NDRG3: variants seen among roughly 807,000 people sequenced by gnomAD.
NDRG3 encodes NDRG family member 3, also known as protein NDRG3.
Under a neutral mutation model 57.2 loss-of-function variants are expected in NDRG3, and 23 were observed. That is an observed-to-expected ratio of 0.40 (90% CI 0.29 to 0.57). NDRG3 has a LOEUF of 0.57. NDRG3 is among the 20% of genes least tolerant of loss of function. The pLI is 0.42. For synonymous variants in NDRG3, 132 were observed against 162.6 expected, an observed-to-expected ratio of 0.81 and a Z score of 1.43; for missense variants, 384 against 457.3, an observed-to-expected ratio of 0.84 and a Z score of 1.46.
At chr20:36,740,865 T>C (rs887726347) in intron 1 of NDRG3, among the ~76,000 whole-genome samples, 4 of 152,200 alleles carry the variant, frequency 2.6e-5, no homozygotes, top group Admixed American at 2.0e-4. Flanking sequence ...ACATTAGTTT[T>C]ATAGAATTAG....
At chr20:36,706,793 A>C (rs544185713) in intron 3 of NDRG3, among the ~76,000 whole-genome samples, 179 bp downstream of exon 3, 6 of 152,292 alleles carry the variant, frequency 3.9e-5, no homozygotes, top group Admixed American at 2.0e-4. Context: ...ATGAGCCCCC[A>C]TGCCAGTGGC....
intron 3 of NDRG3, among the ~76,000 whole-genome samples, chr20:36,704,912 G>C (rs1194515807): frequency 6.6e-6 from 1 of 152,116 alleles, no homozygotes; most frequent in Non-Finnish European, 1.5e-5. Flanking sequence ...GACATGTCCA[G>C]GTGGGAAAAA....
chr20:36,687,241 G>C (rs1380903411), intron 5 of NDRG3, among the ~76,000 whole-genome samples: 1 of 152,002 alleles, frequency 6.6e-6, no homozygotes, highest in Non-Finnish European at 1.5e-5. Flanking sequence ...TATGCCTTGA[G>C]ATTACAGGAA....
At chr20:36,735,960 G>A (rs1462272480) in intron 1 of NDRG3, among the ~76,000 whole-genome samples, 1 of 146,354 alleles carries the variant, frequency 6.8e-6, no homozygotes, top group Non-Finnish European at 1.5e-5. Flanking sequence ...GGCAGAGCGA[G>A]GCCCTGTCTC....
chr20:36,673,839 T>C (rs1461958906), intron 8 of NDRG3, among the ~76,000 whole-genome samples: 1 of 151,774 alleles, frequency 6.6e-6, no homozygotes, highest in Non-Finnish European at 1.5e-5. Context: ...GCGCAGTAGC[T>C]CACACCTGTA....
chr20:36,683,487 T>C (rs1981496466), intron 6 of NDRG3, among the ~76,000 whole-genome samples: 1 of 151,586 alleles, frequency 6.6e-6, no homozygotes, highest in African/African-American at 2.4e-5. Context: ...CATGGTGGCC[T>C]GTGCCTGTAA....
At chr20:36,678,382 C>G (rs1980943081) in intron 8 of NDRG3, among the ~76,000 whole-genome samples, 1 of 152,070 alleles carries the variant, frequency 6.6e-6, no homozygotes, top group Non-Finnish European at 1.5e-5. Context: ...TAGGGAGATG[C>G]AAATTAAAAC....
At chr20:36,656,290 G>A (rs1184365980) in intron 15 of NDRG3, 70 bp downstream of exon 15, 2 of 1,467,694 alleles carry the variant, frequency 1.4e-6, no homozygotes, top group East Asian at 2.3e-5. Flanking sequence ...AGAATTGTGG[G>A]CTCCCAGATG....
At chr20:36,700,904 G>A (rs1983181731) in intron 3 of NDRG3, among the ~76,000 whole-genome samples, 1 of 151,996 alleles carries the variant, frequency 6.6e-6, no homozygotes, top group East Asian at 1.9e-4. Flanking sequence ...CCCCCAAGTA[G>A]CTTGGAGCAC....
At position 36,697,541 on chromosome 20, in the gene NDRG3, T is replaced by C. The variant is rs577438469; in HGVS notation, c.94-8757A>G. ...GGCCAGTATGGCGAAACCCCATCTCTACTAAAAAATACAAAAATTAGCCAG... is the reference window on the plus strand; with the variant it reads ...GGCCAGTATGGCGAAACCCCATCTCCACTAAAAAATACAAAAATTAGCCAG... On this transcript the variant is annotated intron_variant, in intron 3 of 15. Transcript: ENST00000349004. Among the ~76,000 whole-genome samples, 104 of 152,234 alleles carry C rather than the reference T, an allele frequency of 6.8e-4. No individual in the cohort carries two copies. In the South Asian group the frequency reaches 8.7e-3, roughly 13 times the overall value.
rs1378125365 is a variant in NDRG3, at chr20:36,652,549, C to T, written c.*971G>A. Reference sequence around the variant, plus strand: ...TTCCTCTCCCCCCACCCATTTCTCCCCCATCTACATGCTTTTTAGGCCAAA... The same window carrying T: ...TTCCTCTCCCCCCACCCATTTCTCCTCCATCTACATGCTTTTTAGGCCAAA... On this transcript the variant is annotated 3_prime_UTR_variant, in exon 16 of 16. Transcript: ENST00000349004. The T allele has an allele frequency of 6.6e-6, 1 of 152,066 alleles. No individual in the cohort carries two copies. Among genetic ancestry groups the T allele is most frequent in the Non-Finnish European group, 1.5e-5 (1 of 68,040 alleles). The allele number at this position is 152,066 out of a possible 1,614,324, so 9.4% of individuals were successfully genotyped here.
intron 3 of NDRG3, chr20:36,700,344 G>GTTGTCAATGTCTCAAAGTTCTTCA: frequency 2.5e-6 from 1 of 404,630 alleles, no homozygotes; most frequent in Admixed American, 3.0e-5. Context: ...GCAGCCCCTA[G>GTTGTCAATGTCTCAAAGTTCTTCA]TTGTCAATGT....
At chr20:36,730,466 C>T (rs994553268) in intron 1 of NDRG3, among the ~76,000 whole-genome samples, 3 of 151,698 alleles carry the variant, frequency 2.0e-5, no homozygotes, top group Non-Finnish European at 4.4e-5. Flanking sequence ...GTTGCCCAGG[C>T]TAAGATGCGA....
chr20:36,725,296 C>CA (rs1175706198), intron 1 of NDRG3, among the ~76,000 whole-genome samples: 1 of 134,704 alleles, frequency 7.4e-6, no homozygotes, highest in African/African-American at 2.8e-5. Flanking sequence ...GACCCTGTCT[C>CA]AAAAAACAGA....
chr20:36,681,566 G>A (rs1354741430), intron 7 of NDRG3, among the ~76,000 whole-genome samples: 1 of 148,944 alleles, frequency 6.7e-6, no homozygotes, highest in East Asian at 2.0e-4. Context: ...AACCCAGGAG[G>A]CGGAGGTTGC....
chr20:36,715,585 A>AG (rs1459196612), intron 2 of NDRG3, among the ~76,000 whole-genome samples: 1 of 150,588 alleles, frequency 6.6e-6, no homozygotes, highest in Non-Finnish European at 1.5e-5. Context: ...TGGGAGGCCG[A>AG]GGCAGGAGGA....
intron 2 of NDRG3, among the ~76,000 whole-genome samples, chr20:36,708,500 A>C (rs527965258): frequency 2.4e-4 from 36 of 151,448 alleles, no homozygotes; most frequent in Non-Finnish European, 4.9e-4. Flanking sequence ...AAAACTACAA[A>C]AATTAGCCGG....
intron 1 of NDRG3, among the ~76,000 whole-genome samples, chr20:36,733,203 T>C (rs6129609): frequency 7.7e-6 from 1 of 130,180 alleles, no homozygotes; most frequent in East Asian, 2.7e-4. Flanking sequence ...TATATATATA[T>C]GCACATATAA....
intron 9 of NDRG3, among the ~76,000 whole-genome samples, chr20:36,669,737 A>G (rs1979980404): frequency 6.6e-6 from 1 of 152,000 alleles, no homozygotes; most frequent in African/African-American, 2.4e-5. Flanking sequence ...AGCAGGGACT[A>G]CAGGCATACA....
Sources: gnomAD v4.1 joint callset for allele counts (sites outside exome capture counted in the v4.1 genomes callset) on GRCh38, gnomAD v4.1.1 for gene constraint, MANE v1.5 for transcripts, NCBI Gene and HGNC (gene_info 2026-07-23, HGNC 2026-07-21) for gene names.